The following RIT2 variants were observed in gnomAD, a reference collection of about 807,000 sequenced individuals.
RIT2 encodes Ras like without CAAX 2, also known as GTP-binding protein Rit2.
Under a neutral mutation model 23.7 loss-of-function variants are expected in RIT2, and 24 were observed. The ratio of observed to expected loss-of-function variants is 1.01; its 90% confidence interval spans 0.73 to 1.43. The LOEUF (loss-of-function observed/expected upper bound fraction) is 1.43, where lower values mean the gene tolerates loss of function less well. Among genes scored for constraint, RIT2 ranks in the 40% most tolerant of loss-of-function variants. The pLI is 0.00. For missense variants in RIT2, 236 were observed against 266.9 expected, an observed-to-expected ratio of 0.88 and a Z score of 0.81; for synonymous variants, 107 against 91.1, an observed-to-expected ratio of 1.17 and a Z score of -0.99.
intron 4 of RIT2, chr18:42,920,844 G>A (rs374427040): frequency 2.2e-5 from 20 of 928,490 alleles, no homozygotes; most frequent in African/African-American, 8.1e-5. Context: ...TAATTTCACC[G>A]TTGAGAGTTT....
At chr18:42,759,278 A>T (rs1913240515) in intron 4 of RIT2, among the ~76,000 whole-genome samples, 1 of 152,116 alleles carries the variant, frequency 6.6e-6, no homozygotes, top group Non-Finnish European at 1.5e-5. Flanking sequence ...CCATAAAATG[A>T]CCATTTCTGT....
At chr18:42,774,383 T>C (rs1160621516) in intron 4 of RIT2, among the ~76,000 whole-genome samples, 1 of 152,070 alleles carries the variant, frequency 6.6e-6, no homozygotes, top group Non-Finnish European at 1.5e-5. Context: ...CCATGAGGGG[T>C]AAATCCGTTA....
At chr18:42,933,786 G>C (rs1909385683) in intron 3 of RIT2, among the ~76,000 whole-genome samples, 1 of 152,126 alleles carries the variant, frequency 6.6e-6, no homozygotes, top group South Asian at 2.1e-4. Context: ...TTGGGAGGCT[G>C]AGGCAGGCAG....
intron 3 of RIT2, among the ~76,000 whole-genome samples, chr18:42,932,318 A>T (rs1909346432): frequency 6.6e-6 from 1 of 152,032 alleles, no homozygotes; most frequent in South Asian, 2.1e-4. Flanking sequence ...TTTTCCAATC[A>T]ATCCATCAAT....
intron 1 of RIT2, among the ~76,000 whole-genome samples, chr18:43,107,434 C>CGCATACACT (rs1464918190): frequency 1.4e-4 from 22 of 152,148 alleles, no homozygotes; most frequent in Non-Finnish European, 1.5e-5. Context: ...CGTGCGTGCA[C>CGCATACACT]GCATACACAC....
chr18:42,850,146 G>A (rs1488144586), intron 4 of RIT2, among the ~76,000 whole-genome samples: 1 of 150,660 alleles, frequency 6.6e-6, no homozygotes, highest in East Asian at 2.0e-4. Flanking sequence ...AAAGGTTAAT[G>A]AATCCATTCT....
At chr18:42,877,224 AATATATAC>A (rs1359557727) in intron 4 of RIT2, among the ~76,000 whole-genome samples, 1 of 151,876 alleles carries the variant, frequency 6.6e-6, no homozygotes, top group Non-Finnish European at 1.5e-5. Context: ...ATATTATAGA[AATATATAC>A]ATAAAATTTA....
chr18:42,922,138 C>T (rs1416316999), intron 4 of RIT2, among the ~76,000 whole-genome samples: 1 of 152,008 alleles, frequency 6.6e-6, no homozygotes, highest in East Asian at 1.9e-4. Context: ...GTAAAATATA[C>T]AAAAATATCA....
intron 4 of RIT2, among the ~76,000 whole-genome samples, chr18:42,761,428 C>T (rs1043936864): frequency 1.1e-4 from 16 of 152,148 alleles, no homozygotes; most frequent in Admixed American, 9.8e-4. Context: ...TATTCTTTAC[C>T]AAAGGTAACT....
chr18:42,891,738 G>A (rs1908182150), intron 4 of RIT2, among the ~76,000 whole-genome samples: 2 of 152,152 alleles, frequency 1.3e-5, no homozygotes, highest in Admixed American at 6.6e-5. Context: ...TAGGGGTAAA[G>A]GGGGAGGGAG....
intron 1 of RIT2, among the ~76,000 whole-genome samples, chr18:43,069,079 G>A (rs906653725): frequency 4.6e-5 from 7 of 152,142 alleles, no homozygotes; most frequent in African/African-American, 7.2e-5. Context: ...GAAATCTTGA[G>A]AACAGAAGCA....
Position 43,100,318 on chromosome 18 carries a change from C to A in RIT2, c.103+15099G>T, listed in dbSNP as rs78052020. ...ACAAAGACCCTAAAAGGGAAGTGTG[C>A]CTGTCTGGCATATTTTAGGAACAGC... On this transcript the variant is annotated intron_variant, in intron 1 of 4. Coordinates refer to ENST00000326695, the MANE Select transcript of RIT2 (RefSeq NM_002930.4). 2.1e-3 allele frequency among the ~76,000 whole-genome samples: 314 copies of A among 152,164 alleles called. 3 individuals carry two copies. Among genetic ancestry groups the A allele is most frequent in the South Asian group, 0.013 (63 of 4,822 alleles).
At chr18:42,908,745 C>T (rs905572480) in intron 4 of RIT2, among the ~76,000 whole-genome samples, 11 of 152,052 alleles carry the variant, frequency 7.2e-5, no homozygotes, top group Admixed American at 2.0e-4. Flanking sequence ...GAATTTGTTG[C>T]TAGCAGATTT....
At chr18:43,044,131 T>A (rs1912193357) in intron 1 of RIT2, among the ~76,000 whole-genome samples, 1 of 152,172 alleles carries the variant, frequency 6.6e-6, no homozygotes, top group Non-Finnish European at 1.5e-5. Context: ...AGGGAGGTAC[T>A]AAGAATAGTA....
intron 4 of RIT2, among the ~76,000 whole-genome samples, chr18:42,898,286 T>G (rs1453630233): frequency 6.6e-6 from 1 of 152,038 alleles, no homozygotes; most frequent in Non-Finnish European, 1.5e-5. Context: ...CCCAGCTACT[T>G]GGGAAGCTGA....
chr18:42,975,223 T>C (rs1419199748), intron 2 of RIT2, among the ~76,000 whole-genome samples: 1 of 152,062 alleles, frequency 6.6e-6, no homozygotes, highest in African/African-American at 2.4e-5. Context: ...GATGGTGACA[T>C]AAAGAGATGT....
At chr18:42,846,167 T>C (rs1906903933) in intron 4 of RIT2, among the ~76,000 whole-genome samples, 1 of 151,890 alleles carries the variant, frequency 6.6e-6, no homozygotes, top group Non-Finnish European at 1.5e-5. Context: ...AGAGAGTAAC[T>C]AAAATCAGGA....
At chr18:42,818,145 A>G (rs1276577948) in intron 4 of RIT2, among the ~76,000 whole-genome samples, 1 of 152,072 alleles carries the variant, frequency 6.6e-6, no homozygotes, top group Non-Finnish European at 1.5e-5. Flanking sequence ...GTGAAATACT[A>G]TGAGACTTCT....
chr18:42,990,516 T>C (rs1449264443), intron 2 of RIT2, among the ~76,000 whole-genome samples: 1 of 152,216 alleles, frequency 6.6e-6, no homozygotes, highest in African/African-American at 2.4e-5. Context: ...ACACTCCCTA[T>C]TGAACTTCTA....
Sources: gnomAD v4.1 joint callset for allele counts (sites outside exome capture counted in the v4.1 genomes callset) on GRCh38, gnomAD v4.1.1 for gene constraint, MANE v1.5 for transcripts, NCBI Gene and HGNC (gene_info 2026-07-23, HGNC 2026-07-21) for gene names.